Variants in SLC26A4 observed in about 807,000 individuals in gnomAD.
The protein encoded by SLC26A4 is pendrin.
In SLC26A4, 93 loss-of-function variants were observed where a neutral mutation model predicts 90.4. That is an observed-to-expected ratio of 1.03 (90% CI 0.87 to 1.22). The LOEUF (loss-of-function observed/expected upper bound fraction) is 1.22, where lower values mean the gene tolerates loss of function less well. Among genes scored for constraint, SLC26A4 ranks in the 50% most tolerant of loss-of-function variants. The pLI, the probability that SLC26A4 is intolerant of heterozygous loss-of-function variation, is 0.00. For missense variants in SLC26A4, 1,127 were observed against 946.2 expected (o/e 1.19, Z -2.51); for synonymous variants, 393 against 354.6 (o/e 1.11, Z -1.22).
At position 107,675,115 on chromosome 7, in the gene SLC26A4, TG is replaced by T. The variant is rs779833787; in HGVS notation, c.765+7del. 12 of 1,612,358 alleles carry T rather than the reference TG, an allele frequency of 7.4e-6. No homozygotes were observed. The East Asian group carries it at 1.3e-4, about 18-fold the overall frequency. On this transcript the variant is annotated splice_region_variant and intron_variant, in intron 6 of 20. Transcript: ENST00000644269. ...GAGTTCTCTCTATTATCTATGTAAG[TG>T]TTGCTTCTTGCTCCAGGGATGGGTC...
intron 18 of SLC26A4, among the ~76,000 whole-genome samples, chr7:107,706,387 G>A (rs1272690257): frequency 6.6e-6 from 1 of 152,204 alleles, no homozygotes; most frequent in East Asian, 1.9e-4. Flanking sequence ...ATTCAAGGCT[G>A]CAGTGCACTA....
Position 107,701,158 on chromosome 7 carries a change from C to T in SLC26A4, c.1765C>T (p.Gln589Ter). The T allele has an allele frequency of 6.2e-7, 1 of 1,609,774 alleles. No individual in the cohort carries two copies. Among genetic ancestry groups the T allele is most frequent in the South Asian group, 1.1e-5 (1 of 91,006 alleles). Residue 589 changes from glutamine (Q) to a stop codon, truncating the protein, a stop_gained, in exon 16 of 21, where the codon CAG (glutamine) becomes TAG (stop). Transcript: ENST00000644269. LOFTEE classifies it high-confidence loss of function. The part of the protein sequence containing the change: ...NKRLKALRKI[Q>*]KLIKSGQLRA... ...GAGGCTGAAAGCGCTGAGGAAAATA[C>T]AGAAACTAATAAAAAGTGGACAATT...
chr7:107,688,906 C>G (rs376334857), intron 8 of SLC26A4, 147 bp from the exon 9 acceptor site: 1 of 757,384 alleles, frequency 1.3e-6, no homozygotes, highest in African/African-American at 1.7e-5. Context: ...CTGCTACTAT[C>G]ATGTATGTAT....
intron 6 of SLC26A4, among the ~76,000 whole-genome samples, chr7:107,681,044 C>G (rs1791216289): frequency 6.6e-6 from 1 of 152,110 alleles, no homozygotes; most frequent in African/African-American, 2.4e-5. Context: ...GCCCTAAGTT[C>G]TTGTTATCGT....
chr7:107,710,511 T>G (rs1202919787), intron 19 of SLC26A4, among the ~76,000 whole-genome samples: 1 of 152,222 alleles, frequency 6.6e-6, no homozygotes, highest in South Asian at 2.1e-4. Flanking sequence ...GAATCTTGGA[T>G]CTTTTGTGAT....
At chr7:107,691,138 CACACAT>C (rs956693252) in intron 10 of SLC26A4, among the ~76,000 whole-genome samples, 27 of 150,612 alleles carry the variant, frequency 1.8e-4, no homozygotes, top group African/African-American at 6.2e-4. Context: ...CACACACACA[CACACAT>C]GCACACACAC....
chr7:107,700,845 GGT>G (rs759931545), intron 15 of SLC26A4, among the ~76,000 whole-genome samples: 5 of 152,102 alleles, frequency 3.3e-5, no homozygotes, highest in African/African-American at 1.2e-4. Flanking sequence ...GGTATTTTGG[GGT>G]GTGTGTGTGT....
chr7:107,714,591 G>A (rs772366799), intron 20 of SLC26A4, among the ~76,000 whole-genome samples: 3 of 152,072 alleles, frequency 2.0e-5, no homozygotes, highest in Non-Finnish European at 4.4e-5. Flanking sequence ...TAAAACTTAA[G>A]ACTGCTATAT....
intron 18 of SLC26A4, among the ~76,000 whole-genome samples, chr7:107,707,338 T>C (rs7796307): frequency 0.025 from 3,784 of 152,324 alleles, 152 homozygotes; most frequent in African/African-American, 0.086. Context: ...TCTTGGCTGG[T>C]AGTTTAATTC....
chr7:107,683,526 CA>C lies in SLC26A4; in HGVS notation c.991del (p.Ile331SerfsTer13). 3 of 1,613,452 alleles carry C rather than the reference CA, an allele frequency of 1.9e-6. No homozygotes were observed. Among genetic ancestry groups the C allele is most frequent in the Non-Finnish European group, 1.7e-6 (2 of 1,179,496 alleles). ...KNYNAGIVKS[I>X]PRGFLPPELP... ...ATTACAATGCTGGCATTGTTAAATC[CA>C]TCCCAAGGGGGTGAGTGTGGTGTTC... On this transcript the variant is annotated frameshift_variant, in exon 8 of 21. Coordinates refer to ENST00000644269, the MANE Select transcript of SLC26A4 (RefSeq NM_000441.2). LOFTEE classifies it high-confidence loss of function.
chr7:107,663,557 C>G, intron 3 of SLC26A4, 122 bp downstream of exon 3: 2 of 1,080,442 alleles, frequency 1.9e-6, no homozygotes, highest in Non-Finnish European at 2.8e-6. Flanking sequence ...TCCTGTAGAG[C>G]CCCTTAGTGG....
rs761497580 is a variant in SLC26A4, at chr7:107,701,212, T to C, written c.1803+16T>C. On this transcript the variant is annotated intron_variant, in intron 16 of 20. Transcript: ENST00000644269. ...AGCAACAAAGGTGAGATGACATCTTTCTTTTCCCCCTTAAATTATTTCCTT... is the reference window on the plus strand; with the variant it reads ...AGCAACAAAGGTGAGATGACATCTTCCTTTTCCCCCTTAAATTATTTCCTT... 7 of 1,471,316 alleles carry C rather than the reference T, an allele frequency of 4.8e-6. No individual in the cohort carries two copies. The highest frequency in any genetic ancestry group is 6.7e-6 in the Non-Finnish European group (7 of 1,050,034). 91.1% of individuals were successfully genotyped at this position (1,471,316 alleles called of 1,614,324 possible). A position where few individuals can be genotyped will look rare whatever the true frequency, so the allele number is the denominator to read the frequency against.
chr7:107,683,045 TATC>T (rs1274184759), intron 6 of SLC26A4, among the ~76,000 whole-genome samples, 154 bp from the exon 7 acceptor site: 1 of 152,204 alleles, frequency 6.6e-6, no homozygotes, highest in Non-Finnish European at 1.5e-5. Flanking sequence ...AACACATTTT[TATC>T]ATTTTACTGA....
At position 107,692,041 on chromosome 7, in the gene SLC26A4, C is replaced by T; in HGVS notation, c.1263+1804C>T. 4.7e-6 allele frequency: 6 copies of T among 1,289,282 alleles called. No individual in the cohort carries two copies. In the South Asian group the frequency reaches 7.4e-5, roughly 16 times the overall value. The allele number at this position is 1,289,282 out of a possible 1,614,324, so 79.9% of individuals were successfully genotyped here. ...GCTGATGTCCATTCTCCTGATGTTACCTCCAGGCTCAAATGAGGCATGGGC... is the reference window on the plus strand; with the variant it reads ...GCTGATGTCCATTCTCCTGATGTTATCTCCAGGCTCAAATGAGGCATGGGC... On this transcript the variant is annotated intron_variant, in intron 10 of 20. Transcript: ENST00000644269.
At chr7:107,665,073 T>G (rs891570457) in intron 3 of SLC26A4, among the ~76,000 whole-genome samples, 2 of 152,076 alleles carry the variant, frequency 1.3e-5, no homozygotes, top group African/African-American at 4.8e-5. Context: ...TGAGGTTCAC[T>G]CAAAGCGGTC....
Position 107,715,066 on chromosome 7 carries a change from TAAA to T in SLC26A4, c.2320-340_2320-338del, listed in dbSNP as rs543905042. ...ATGGTAACCCCCCGACCATCTCTAC[TAAA>T]AAAAAAAAAAAAAAAATTAGCTGGG... On this transcript the variant is annotated intron_variant, in intron 20 of 20. Transcript: ENST00000644269. Among the ~76,000 whole-genome samples, 10 of 98,664 alleles carry T rather than the reference TAAA, an allele frequency of 1.0e-4. 1 individual carries two copies. The South Asian group carries it at 1.9e-3, about 18-fold the overall frequency. 64.7% of individuals were successfully genotyped at this position (98,664 alleles called of 152,430 possible).
chr7:107,668,455 G>A (rs148541435), intron 3 of SLC26A4, among the ~76,000 whole-genome samples: 318 of 152,314 alleles, frequency 2.1e-3, no homozygotes, highest in Non-Finnish European at 3.6e-3. Flanking sequence ...GATTTTGGAG[G>A]TGGTGGTGTG....
intron 1 of SLC26A4, 81 bp downstream of exon 1, chr7:107,660,936 C>G (rs918753698): frequency 6.6e-6 from 1 of 152,310 alleles, no homozygotes; most frequent in South Asian, 2.1e-4. Context: ...GGATGGGACT[C>G]TTAAGTGGTC....
intron 12 of SLC26A4, among the ~76,000 whole-genome samples, chr7:107,695,683 C>T (rs1791717290): frequency 6.6e-6 from 1 of 151,992 alleles, no homozygotes; most frequent in African/African-American, 2.4e-5. Context: ...GTGGTATGTA[C>T]TTGTGGGTAG....
Sources: allele counts gnomAD v4.1 joint callset (sites outside exome capture counted in the v4.1 genomes callset), GRCh38; gene constraint gnomAD v4.1.1; transcripts MANE v1.5; gene names NCBI Gene and HGNC (gene_info 2026-07-23, HGNC 2026-07-21).